The following CSF2RA variants were observed in gnomAD, a reference collection of about 807,000 sequenced individuals.
CSF2RA encodes colony stimulating factor 2 receptor subunit alpha, also known as granulocyte-macrophage colony-stimulating factor receptor subunit alpha.
In CSF2RA, 42 loss-of-function variants were observed where a neutral mutation model predicts 51.6. That is an observed-to-expected ratio of 0.81 (90% CI 0.64 to 1.05). The LOEUF (loss-of-function observed/expected upper bound fraction) is 1.05, where lower values mean the gene tolerates loss of function less well. Ranked by LOEUF, CSF2RA falls within the 50% of genes least tolerant of loss-of-function variation. CSF2RA has a pLI of 0.00. For missense variants in CSF2RA, 530 were observed against 501.1 expected, an observed-to-expected ratio of 1.06 and a Z score of -0.55; for synonymous variants, 222 against 193.0, an observed-to-expected ratio of 1.15 and a Z score of -1.24.
chrX:1,316,264 A>C, the CSF2RA span, among the ~76,000 whole-genome samples: 1 of 34,580 alleles, frequency 2.9e-5, no homozygotes, highest in Admixed American at 2.8e-4. Flanking sequence ...GATAGATGAT[A>C]GATAGATAGA....
At chrX:1,274,726 G>C (rs1199514298) in intron 1 of CSF2RA, 29 bp from the exon 2 acceptor site, 1 of 452,680 alleles carries the variant, frequency 2.2e-6, no homozygotes, top group Admixed American at 2.4e-5. Context: ...CATGATTTTG[G>C]GGTCCTGAGA....
chrX:1,270,447 C>T (rs28592222), intron 1 of CSF2RA, among the ~76,000 whole-genome samples: 49,552 of 151,574 alleles, frequency 0.33, 9,645 homozygotes, highest in African/African-American at 0.56. Context: ...CTGTGTTTCC[C>T]GGGCTGGTCT....
At chrX:1,282,987 C>T (rs2090213209) in intron 3 of CSF2RA, among the ~76,000 whole-genome samples, 1 of 152,166 alleles carries the variant, frequency 6.6e-6, no homozygotes, top group Non-Finnish European at 1.5e-5. Flanking sequence ...ACCCATTCTA[C>T]AGATGAGAAA....
chrX:1,279,759 G>A (rs768801058), intron 2 of CSF2RA, among the ~76,000 whole-genome samples: 1 of 137,146 alleles, frequency 7.3e-6, no homozygotes, highest in South Asian at 2.3e-4. Context: ...GCAGAGGAAC[G>A]GTCTGAGAGA....
rs1417464743 is a variant in CSF2RA, at chrX:1,309,513, C to A, written c.*34C>A. The A allele has an allele frequency of 1.9e-6, 3 of 1,613,966 alleles. No homozygotes were observed. The Admixed American group carries it at 5.0e-5, about 27-fold the overall frequency. The stretch of plus-strand genomic sequence containing the variant: ...GGGTGTAGGAATGGCATGGACATCT[C>A]CGCCTCCGCGACACGGGGGAACTGT... On this transcript the variant is annotated 3_prime_UTR_variant, in exon 13 of 13. Coordinates refer to ENST00000381529, the MANE Select transcript of CSF2RA (RefSeq NM_172245.4).
chrX:1,314,479 CCTACCCAACCCCACTG>C (rs1569514884), downstream of CSF2RA, among the ~76,000 whole-genome samples: 7 of 118,774 alleles, frequency 5.9e-5, no homozygotes, highest in African/African-American at 2.4e-4. Context: ...CCCCAATGCA[CCTACCCAACCCCACTG>C]TGCCTGCCCA....
chrX:1,273,768 T>TTG (rs1374057442), intron 1 of CSF2RA, among the ~76,000 whole-genome samples: 4 of 23,760 alleles, frequency 1.7e-4, no homozygotes, highest in Non-Finnish European at 4.8e-4. Context: ...TTTTTTTGTA[T>TTG]TTTTTTTTTT....
chrX:1,305,627 G>A lies in CSF2RA; in HGVS notation c.1125+100G>A, dbSNP rs763068696. The A allele has an allele frequency of 2.5e-6, 4 of 1,613,562 alleles. No homozygotes were observed. The South Asian group carries it at 4.4e-5, about 18-fold the overall frequency. The stretch of plus-strand genomic sequence containing the variant: ...TGTCGACCATCTTGCTTCTCCACCA[G>A]ATGGGACCGCAGCGTCACCACCGGT... On this transcript the variant is annotated intron_variant, in intron 12 of 12. Coordinates refer to ENST00000381529, the MANE Select transcript of CSF2RA (RefSeq NM_172245.4).
At chrX:1,294,911 G>T (rs2091778743) in intron 8 of CSF2RA, among the ~76,000 whole-genome samples, 1 of 152,206 alleles carries the variant, frequency 6.6e-6, no homozygotes. Context: ...ACCCAGTGTA[G>T]ACAGGAGGAG....
At chrX:1,311,651 G>T (rs1473345910), downstream of CSF2RA, among the ~76,000 whole-genome samples, 1 of 151,722 alleles carries the variant, frequency 6.6e-6, no homozygotes, top group African/African-American at 2.4e-5. Context: ...TCACCTTGTT[G>T]GTCAGGCTGG....
At chrX:1,282,069 G>C (rs1179560377) in intron 2 of CSF2RA, 1 of 136,904 alleles carries the variant, frequency 7.3e-6, no homozygotes, top group Non-Finnish European at 1.6e-5. Flanking sequence ...GCTGGGTGTG[G>C]TGGCAGGCGC....
At chrX:1,281,540 C>T (rs28868078) in intron 2 of CSF2RA, among the ~76,000 whole-genome samples, 26,437 of 150,436 alleles carry the variant, frequency 0.18, 2,783 homozygotes, top group Admixed American at 0.23. Context: ...TCCTTCTCCT[C>T]CTCCTGCACC....
the CSF2RA span, among the ~76,000 whole-genome samples, chrX:1,321,166 C>T: frequency 6.6e-6 from 1 of 151,930 alleles, no homozygotes; most frequent in Non-Finnish European, 1.5e-5. Context: ...CATTCTAGTC[C>T]CTTTTAAGAA....
chrX:1,286,394 C>A (rs1427021917), intron 4 of CSF2RA, among the ~76,000 whole-genome samples: 1 of 152,002 alleles, frequency 6.6e-6, no homozygotes, highest in Non-Finnish European at 1.5e-5. Context: ...CATGGTGAAA[C>A]CCCATCTCTA....
chrX:1,312,737 G>A (rs777389645), downstream of CSF2RA, among the ~76,000 whole-genome samples: 4 of 152,274 alleles, frequency 2.6e-5, no homozygotes, highest in South Asian at 2.1e-4. Flanking sequence ...TGGATCTGAC[G>A]GTGAGGTGCC....
chrX:1,274,411 G>T (rs1205895253), intron 1 of CSF2RA, among the ~76,000 whole-genome samples: 1 of 150,650 alleles, frequency 6.6e-6, no homozygotes, highest in African/African-American at 2.4e-5. Flanking sequence ...TGTAACCTCC[G>T]CCTCCCGTGT....
the CSF2RA span, among the ~76,000 whole-genome samples, chrX:1,318,873 T>C: frequency 2.0e-4 from 29 of 146,404 alleles, no homozygotes; most frequent in East Asian, 6.4e-4. Context: ...GCCGAGATCG[T>C]GCCACTGCAC....
intron 7 of CSF2RA, among the ~76,000 whole-genome samples, chrX:1,292,546 GA>G (rs1392850481): frequency 2.0e-5 from 3 of 152,084 alleles, no homozygotes; most frequent in African/African-American, 7.3e-5. Context: ...GAAGACATAT[GA>G]GCAAAGGAAT....
intron 3 of CSF2RA, among the ~76,000 whole-genome samples, chrX:1,283,957 C>A (rs2090344881): frequency 6.6e-6 from 1 of 151,840 alleles, no homozygotes; most frequent in African/African-American, 2.4e-5. Flanking sequence ...CCGGGAGGGA[C>A]CCTCTTGACT....
Sources: allele counts gnomAD v4.1 joint callset (sites outside exome capture counted in the v4.1 genomes callset), GRCh38; gene constraint gnomAD v4.1.1; transcripts MANE v1.5; gene names NCBI Gene and HGNC (gene_info 2026-07-23, HGNC 2026-07-21).